The following ZNF343 variants were observed in gnomAD, a reference collection of about 807,000 sequenced individuals.
ZNF343 encodes the protein zinc finger protein 343.
ZNF343 carries 11 observed loss-of-function variants against 13.8 expected under a neutral mutation model. The observed-to-expected ratio is 0.80, with a 90% confidence interval of 0.50 to 1.32. The LOEUF (loss-of-function observed/expected upper bound fraction) is 1.32, where lower values mean the gene tolerates loss of function less well. ZNF343 is among the 40% of genes most tolerant of loss of function. The pLI is 0.00. For missense variants in ZNF343, 658 were observed against 714.2 expected (o/e 0.92, Z 0.90); for synonymous variants, 248 against 260.0 (o/e 0.95, Z 0.44).
intron 5 of ZNF343, among the ~76,000 whole-genome samples, chr20:2,488,576 T>C (rs1161532234): frequency 1.3e-5 from 2 of 152,176 alleles, no homozygotes; most frequent in Non-Finnish European, 2.9e-5. Context: ...CATATTTTAG[T>C]GTCTGATAAG....
At chr20:2,523,095 T>C (rs901324588) in intron 1 of ZNF343, among the ~76,000 whole-genome samples, 1 of 152,218 alleles carries the variant, frequency 6.6e-6, no homozygotes, top group Non-Finnish European at 1.5e-5. Flanking sequence ...AAAATGGTGA[T>C]GAAAATGAAC....
At chr20:2,487,283 C>T (rs759292764) in intron 5 of ZNF343, among the ~76,000 whole-genome samples, 21 of 152,212 alleles carry the variant, frequency 1.4e-4, no homozygotes, top group Non-Finnish European at 2.6e-4. Flanking sequence ...AAGTGCAAAA[C>T]TATTCAGAAA....
intron 1 of ZNF343, among the ~76,000 whole-genome samples, chr20:2,519,113 T>C (rs1484978948): frequency 6.6e-6 from 1 of 152,220 alleles, no homozygotes; most frequent in Non-Finnish European, 1.5e-5. Context: ...GGTAGTTCTT[T>C]ATAGTAGTGT....
upstream of ZNF343, among the ~76,000 whole-genome samples, chr20:2,511,855 G>C (rs988190703): frequency 1.3e-5 from 2 of 152,148 alleles, no homozygotes; most frequent in South Asian, 2.1e-4. Context: ...TAAGGTCAGT[G>C]ACAAGACAAG....
intron 1 of ZNF343, among the ~76,000 whole-genome samples, chr20:2,523,096 G>A (rs2085789111): frequency 6.6e-6 from 1 of 152,228 alleles, no homozygotes; most frequent in African/African-American, 2.4e-5. Flanking sequence ...AAATGGTGAT[G>A]AAAATGAACT....
At chr20:2,503,341 C>T (rs951107275) in intron 1 of ZNF343, among the ~76,000 whole-genome samples, 2 of 152,124 alleles carry the variant, frequency 1.3e-5, no homozygotes, top group Admixed American at 6.5e-5. Flanking sequence ...GAGACTTAGA[C>T]TCCCACACAA....
At position 2,488,133 on chromosome 20, in the gene ZNF343, G is replaced by A. The variant is rs1022077991; in HGVS notation, c.305-3477C>T. Among the ~76,000 whole-genome samples the A allele has an allele frequency of 2.6e-5, 4 of 152,110 alleles. No homozygotes were observed. In the South Asian group the frequency reaches 8.3e-4, roughly 31 times the overall value. ...CCTTTCTTTTGACTTTGCTTACAGC[G>A]TCAAACTTATCACTCTTCCCTTCTA... is the stretch of plus-strand genomic sequence containing the variant. On this transcript the variant is annotated intron_variant, in intron 5 of 5. Coordinates refer to ENST00000278772, the MANE Select transcript of ZNF343 (RefSeq NM_024325.6).
chr20:2,501,089 A>G (rs2085556527), intron 1 of ZNF343, among the ~76,000 whole-genome samples: 1 of 152,136 alleles, frequency 6.6e-6, no homozygotes, highest in Non-Finnish European at 1.5e-5. Context: ...GGGCACCTGG[A>G]AAATTGGGTC....
At chr20:2,493,291 A>T (rs902698977) in intron 4 of ZNF343, among the ~76,000 whole-genome samples, 6 of 152,030 alleles carry the variant, frequency 3.9e-5, no homozygotes, top group African/African-American at 1.5e-4. Context: ...GAGTGAACAG[A>T]TGGGGTCTGG....
At chr20:2,498,248 T>G (rs940048304) in intron 2 of ZNF343, among the ~76,000 whole-genome samples, 4 of 152,024 alleles carry the variant, frequency 2.6e-5, no homozygotes, top group African/African-American at 9.7e-5. Flanking sequence ...CCCAGCTACT[T>G]GGGAGGCTGA....
intron 5 of ZNF343, among the ~76,000 whole-genome samples, chr20:2,485,940 G>A (rs888257451): frequency 4.6e-5 from 7 of 152,130 alleles, no homozygotes; most frequent in Non-Finnish European, 1.0e-4. Context: ...AGTCTGTTTG[G>A]TTTACTTGGG....
chr20:2,492,701 A>C lies in ZNF343; in HGVS notation c.302T>G (p.Leu101Trp), dbSNP rs1184733155. 1 of 1,611,310 alleles carries C rather than the reference A, an allele frequency of 6.2e-7. No homozygotes were observed. The highest frequency in any genetic ancestry group is 8.5e-7 in the Non-Finnish European group (1 of 1,179,296). The change falls in exon 5 of 6, where the codon TTG (leucine) becomes TGG (tryptophan). Residue 101 changes from leucine to tryptophan, a missense_variant and splice_region_variant. By Grantham distance (61) the Leu-to-Trp change is moderately conservative. Coordinates refer to ENST00000278772, the MANE Select transcript of ZNF343 (RefSeq NM_024325.6). ...GAAAGGAAAGAACACAGCCTTACCCAATGAGAGAAGATTCCTGTAATTCTC... is the reference window on the plus strand; with the variant it reads ...GAAAGGAAAGAACACAGCCTTACCCCATGAGAGAAGATTCCTGTAATTCTC... ...MLENYRNLLSLAEPKPEIYTC... is the reference protein window; with the variant it reads ...MLENYRNLLSWAEPKPEIYTC...
At position 2,483,524 on chromosome 20, in the gene ZNF343, G is replaced by C; in HGVS notation, c.1437C>G (p.Leu479=). The change falls in exon 6 of 6, where the codon CTC becomes CTG. Residue 479 remains leucine, a synonymous_variant. Coordinates refer to ENST00000278772, the MANE Select transcript of ZNF343 (RefSeq NM_024325.6). ...ECGRGFSRKS[L]LLVHQRTHSG... is the part of the protein sequence containing the mutation. ...AGTGTGTCCTCTGGTGGACAAGGAG[G>C]AGTGATTTCCGACTAAAGCCTCGGC... The C allele has an allele frequency of 6.2e-7, 1 of 1,611,494 alleles. No homozygotes were observed. Among genetic ancestry groups the C allele is most frequent in the East Asian group, 2.2e-5 (1 of 44,824 alleles).
rs139390703 is a variant in ZNF343 at position 2,484,574 on chromosome 20, A to T, written c.387T>A (p.Leu129=). Residue 129 remains leucine (L), a synonymous_variant, in exon 6 of 6, where the codon CTT becomes CTA. Transcript: ENST00000278772. ...SCQQFLSQHV[L]QIFLGLCAEN... is the part of the protein sequence containing the mutation. ...CTGCACATAAGCCCAGGAAGATCTG[A>T]AGTACATGTTGACTGAGGAACTGCT... 8.2e-5 allele frequency: 132 copies of T among 1,614,206 alleles called. No homozygotes were observed. The highest frequency in any genetic ancestry group is 1.1e-4 in the Non-Finnish European group (129 of 1,180,018).
Position 2,484,190 on chromosome 20 carries a change from A to G in ZNF343, c.771T>C (p.Ile257=). 6.2e-7 allele frequency: 1 copy of G among 1,614,220 alleles called. No homozygotes were observed. Among genetic ancestry groups the G allele is most frequent in the Non-Finnish European group, 8.5e-7 (1 of 1,180,046 alleles). ...TCCCTAAGAGGGTCCTCGGGTTTGT[A>G]ATAAAGTTTGATTCCAGGTTATGGT... ...EPDHNLESNF[I]TNPRTLLGKK... The change falls in exon 6 of 6, where the codon ATT becomes ATC. Residue 257 remains isoleucine (I), a synonymous_variant. Coordinates refer to ENST00000278772, the MANE Select transcript of ZNF343 (RefSeq NM_024325.6).
chr20:2,488,447 T>C (rs2085316009), intron 5 of ZNF343, among the ~76,000 whole-genome samples: 1 of 152,106 alleles, frequency 6.6e-6, no homozygotes, highest in Non-Finnish European at 1.5e-5. Context: ...TTGGGTTGAC[T>C]TCTTGATTCC....
At position 2,482,180 on chromosome 20, in the gene ZNF343, A is replaced by C. The variant is rs1320777446; in HGVS notation, c.*981T>G. 6.6e-6 allele frequency: 1 copy of C among 152,174 alleles called. No individual in the cohort carries two copies. 9.4% of individuals were successfully genotyped at this position (152,174 alleles called of 1,614,324 possible). ...CTTGTCCCAAAAAAGCTGTTCTTTG[A>C]TGAGGACTTTTTCCTAAGTCCTTGT... is the stretch of plus-strand genomic sequence containing the variant. On this transcript the variant is annotated 3_prime_UTR_variant, in exon 6 of 6. Transcript: ENST00000278772.
intron 3 of ZNF343, 95 bp downstream of exon 3, chr20:2,493,683 G>T: frequency 7.5e-7 from 1 of 1,331,490 alleles, no homozygotes; most frequent in Non-Finnish European, 1.1e-6. Flanking sequence ...GAAGGAAGTA[G>T]TCACTTAACT....
At position 2,484,576 on chromosome 20, in the gene ZNF343, G is replaced by A. The variant is rs113667110; in HGVS notation, c.385C>T (p.Leu129Phe). The change falls in exon 6 of 6, where the codon CTT becomes TTT. Residue 129 changes from leucine (L) to phenylalanine (F), a missense_variant. Leu to Phe is a conservative substitution (Grantham distance 22, BLOSUM62 0). Transcript: ENST00000278772. ...SCQQFLSQHV[L>F]QIFLGLCAEN... ...GCACATAAGCCCAGGAAGATCTGAA[G>A]TACATGTTGACTGAGGAACTGCTGA... 1.8e-4 allele frequency: 295 copies of A among 1,614,162 alleles called. No individual in the cohort carries two copies. In the African/African-American group the frequency reaches 2.7e-3, roughly 15 times the overall value.
Sources: gnomAD v4.1 joint callset for allele counts (sites outside exome capture counted in the v4.1 genomes callset) on GRCh38, gnomAD v4.1.1 for gene constraint, MANE v1.5 for transcripts, NCBI Gene and HGNC (gene_info 2026-07-23, HGNC 2026-07-21) for gene names.